PHF21B: variants seen among roughly 807,000 people sequenced by gnomAD.
PHF21B encodes the protein PHD finger protein 21B, also known as PHD finger protein 4.
A neutral mutation model predicts 62.2 loss-of-function variants in PHF21B; 22 were observed. That is an observed-to-expected ratio of 0.35 (90% CI 0.25 to 0.51). The LOEUF (loss-of-function observed/expected upper bound fraction) is 0.51. Among genes scored for constraint, PHF21B ranks in the 20% least tolerant of loss-of-function variants. The pLI is 0.97. For synonymous variants in PHF21B, 341 were observed against 314.7 expected (o/e 1.08, Z -0.88); for missense variants, 701 against 707.9 (o/e 0.99, Z 0.11).
intron 5 of PHF21B, among the ~76,000 whole-genome samples, chr22:44,909,677 C>T (rs371883074): frequency 3.9e-5 from 6 of 152,238 alleles, no homozygotes; most frequent in East Asian, 1.9e-4. Flanking sequence ...TACTGCAGTC[C>T]GAAAGCCCAG....
In PHF21B at chr22:44,923,331, C is replaced by CA. The variant is rs34100382; in HGVS notation, c.121-2842dup. 9.9e-3 allele frequency among the ~76,000 whole-genome samples: 1,242 copies of CA among 125,088 alleles called. 15 individuals carry two copies. The highest frequency in any genetic ancestry group is 0.027 in the African/African-American group (934 of 34,930). 82.1% of individuals were successfully genotyped at this position (125,088 alleles called of 152,430 possible). A position where few individuals can be genotyped will look rare whatever the true frequency, so the allele number is the denominator to read the frequency against. Reference sequence around the variant, plus strand: ...CTTCAGTCCATACCACATACCATATCAAAAAAAAAAAAAAAAGAACAAATG... The same window carrying CA: ...CTTCAGTCCATACCACATACCATATCAAAAAAAAAAAAAAAAAGAACAAATG... On this transcript the variant is annotated intron_variant, in intron 2 of 12. Coordinates refer to ENST00000313237, the MANE Select transcript of PHF21B (RefSeq NM_138415.5).
rs560399718 is a variant in PHF21B at position 44,960,766 on chromosome 22, C to T, written c.121-40276G>A. On this transcript the variant is annotated intron_variant, in intron 2 of 12. Transcript: ENST00000313237. ...AACTGTCTCAGTAAGAGAAGTCCTGCTGTCTGCCTGCACTCAGCCTGGACA... is the reference window on the plus strand; with the variant it reads ...AACTGTCTCAGTAAGAGAAGTCCTGTTGTCTGCCTGCACTCAGCCTGGACA... Among the ~76,000 whole-genome samples the T allele has an allele frequency of 2.6e-5, 4 of 152,296 alleles. No individual in the cohort carries two copies. In the South Asian group the frequency reaches 8.3e-4, roughly 32 times the overall value.
At chr22:44,972,529 C>T (rs1296864761) in intron 2 of PHF21B, among the ~76,000 whole-genome samples, 2 of 152,154 alleles carry the variant, frequency 1.3e-5, no homozygotes, top group Admixed American at 6.5e-5. Flanking sequence ...TGTTGGCGGA[C>T]GCGGCTGCTC....
In PHF21B at chr22:44,981,131, G is replaced by A. The variant is rs1169370004; in HGVS notation, c.120+27414C>T. On this transcript the variant is annotated intron_variant, in intron 2 of 12. Coordinates refer to ENST00000313237, the MANE Select transcript of PHF21B (RefSeq NM_138415.5). ...CAAAGGCATAGAAGAAGTCTGATGA[G>A]GAAACGGCCTTTATGTCCAAAGCTT... Among the ~76,000 whole-genome samples, 4 of 152,148 alleles carry A rather than the reference G, an allele frequency of 2.6e-5. No individual in the cohort carries two copies. In the East Asian group the frequency reaches 7.7e-4, roughly 29 times the overall value.
intron 4 of PHF21B, among the ~76,000 whole-genome samples, chr22:44,915,526 T>C (rs2071416336): frequency 6.6e-6 from 1 of 152,206 alleles, no homozygotes; most frequent in Non-Finnish European, 1.5e-5. Context: ...GACTGCGAAT[T>C]CTTTGAGGGG....
rs867443807 is a variant in PHF21B at position 44,887,963 on chromosome 22, C to A, written c.1197G>T (p.Lys399Asn). ...GAGGGGGTCACACAGCCTCCTGTAC[C>A]TTCTGCTGGCACCTGGGGCACACCC... ...GVWVCPRCQQ[K>N]ALKKDEGVPW... The change falls in exon 10 of 13, where the codon AAG becomes AAT. Residue 399 changes from lysine (K) to asparagine (N), a missense_variant and splice_region_variant. By Grantham distance (94) the Lys-to-Asn change is moderately conservative. Coordinates refer to ENST00000313237, the MANE Select transcript of PHF21B (RefSeq NM_138415.5). 1 of 1,522,920 alleles carries A rather than the reference C, an allele frequency of 6.6e-7. No homozygotes were observed. The highest frequency in any genetic ancestry group is 8.8e-7 in the Non-Finnish European group (1 of 1,133,860). 94.3% of individuals were successfully genotyped at this position (1,522,920 alleles called of 1,614,324 possible). A position where few individuals can be genotyped will look rare whatever the true frequency, so the allele number is the denominator to read the frequency against.
At chr22:44,986,448 T>G (rs2072950826) in intron 2 of PHF21B, among the ~76,000 whole-genome samples, 1 of 144,678 alleles carries the variant, frequency 6.9e-6, no homozygotes, top group Non-Finnish European at 1.5e-5. Flanking sequence ...TCCAGATGCA[T>G]CCAGAGGTCC....
chr22:45,005,129 T>C (rs555599444), intron 2 of PHF21B, among the ~76,000 whole-genome samples: 9 of 152,382 alleles, frequency 5.9e-5, no homozygotes, highest in Non-Finnish European at 1.2e-4. Flanking sequence ...GAAGGGCTTG[T>C]TGCTTGACAA....
intron 2 of PHF21B, among the ~76,000 whole-genome samples, chr22:44,978,938 C>T (rs906596624): frequency 6.6e-6 from 1 of 151,832 alleles, no homozygotes; most frequent in South Asian, 2.1e-4. Context: ...GCCCACTGGC[C>T]CCGGGGAGAA....
chr22:44,984,506 G>A (rs189824229), intron 2 of PHF21B, among the ~76,000 whole-genome samples: 74 of 152,284 alleles, frequency 4.9e-4, no homozygotes, highest in Admixed American at 4.7e-3. Context: ...CCAGGCTTCC[G>A]CAGGTGAACA....
chr22:44,919,664 G>C (rs991921903), intron 3 of PHF21B, among the ~76,000 whole-genome samples: 2 of 152,258 alleles, frequency 1.3e-5, no homozygotes, highest in East Asian at 3.8e-4. Flanking sequence ...CTCTGGCCCA[G>C]TATGCTATAT....
intron 12 of PHF21B, among the ~76,000 whole-genome samples, chr22:44,884,860 A>G (rs1569204871): frequency 6.6e-6 from 1 of 151,858 alleles, no homozygotes; most frequent in Non-Finnish European, 1.5e-5. Flanking sequence ...TCCCATCACC[A>G]CTATCATCAC....
intron 2 of PHF21B, among the ~76,000 whole-genome samples, chr22:44,926,198 T>C (rs1361001809): frequency 6.6e-6 from 1 of 151,462 alleles, no homozygotes; most frequent in Non-Finnish European, 1.5e-5. Context: ...GGGAAGCACA[T>C]TCAGTGGCAT....
intron 2 of PHF21B, among the ~76,000 whole-genome samples, chr22:44,943,498 G>A (rs996048363): frequency 2.6e-5 from 4 of 152,276 alleles, no homozygotes; most frequent in South Asian, 2.1e-4. Flanking sequence ...GGGGCGGCCC[G>A]ATCTCCAGCA....
At chr22:44,976,890 C>A (rs1029691174) in intron 2 of PHF21B, among the ~76,000 whole-genome samples, 2 of 152,228 alleles carry the variant, frequency 1.3e-5, no homozygotes, top group African/African-American at 4.8e-5. Context: ...GCAGTCCCAG[C>A]ACTTTAGGAG....
intron 2 of PHF21B, among the ~76,000 whole-genome samples, chr22:44,939,382 C>T (rs993344736): frequency 6.6e-6 from 1 of 152,224 alleles, no homozygotes; most frequent in African/African-American, 2.4e-5. Context: ...GGTGTCCCCA[C>T]CTGAGGCCTT....
chr22:44,955,484 G>C (rs1180819050), intron 2 of PHF21B, among the ~76,000 whole-genome samples: 1 of 152,228 alleles, frequency 6.6e-6, no homozygotes, highest in African/African-American at 2.4e-5. Context: ...ATATGGGTAG[G>C]TAGACCCAGC....
intron 2 of PHF21B, among the ~76,000 whole-genome samples, chr22:44,948,917 C>T (rs182595448): frequency 2.6e-5 from 4 of 152,336 alleles, no homozygotes; most frequent in South Asian, 2.1e-4. Context: ...AAAGGTGATT[C>T]GCGTGGCTTA....
chr22:44,896,878 C>CTTTTTT (rs1439624625), intron 5 of PHF21B, among the ~76,000 whole-genome samples: 2 of 37,316 alleles, frequency 5.4e-5, no homozygotes, highest in Admixed American at 3.1e-4. Context: ...TTAGTTTTAT[C>CTTTTTT]TGTTTTTTTT....
Sources: allele counts gnomAD v4.1 joint callset (sites outside exome capture counted in the v4.1 genomes callset), GRCh38; gene constraint gnomAD v4.1.1; transcripts MANE v1.5; gene names NCBI Gene and HGNC (gene_info 2026-07-23, HGNC 2026-07-21).